The following CHRM3 variants were observed in gnomAD, a reference collection of about 807,000 sequenced individuals.
CHRM3 encodes the protein muscarinic acetylcholine receptor M3.
A neutral mutation model predicts 41.8 loss-of-function variants in CHRM3; 11 were observed. That is an observed-to-expected ratio of 0.26 (90% CI 0.17 to 0.44). The LOEUF (loss-of-function observed/expected upper bound fraction) is 0.44. CHRM3 is among the 20% of genes least tolerant of loss of function. The pLI, the probability that CHRM3 is intolerant of heterozygous loss-of-function variation, is 1.00. For missense variants in CHRM3, 571 were observed against 745.4 expected (o/e 0.77, Z 2.72); for synonymous variants, 297 against 301.4 (o/e 0.99, Z 0.15).
intron 1 of CHRM3, among the ~76,000 whole-genome samples, chr1:239,470,483 T>C (rs1194866819): frequency 1.3e-5 from 2 of 152,170 alleles, no homozygotes; most frequent in Non-Finnish European, 2.9e-5. Context: ...GTGTGGGCCT[T>C]GGATCTGGGT....
chr1:239,828,980 A>C (rs1290901714), intron 6 of CHRM3, among the ~76,000 whole-genome samples: 1 of 152,202 alleles, frequency 6.6e-6, no homozygotes, highest in South Asian at 2.1e-4. Context: ...GATGCACACT[A>C]TGAGGGCTAG....
chr1:239,847,393 A>G (rs1179528247), intron 6 of CHRM3, among the ~76,000 whole-genome samples: 3 of 152,240 alleles, frequency 2.0e-5, no homozygotes, highest in Non-Finnish European at 4.4e-5. Context: ...TAGATCTTCA[A>G]AATAATACAT....
At chr1:239,825,811 C>T (rs1672410917) in intron 5 of CHRM3, among the ~76,000 whole-genome samples, 1 of 152,082 alleles carries the variant, frequency 6.6e-6, no homozygotes, top group Non-Finnish European at 1.5e-5. Context: ...AACTCCTGGG[C>T]TCAAGTGATC....
intron 5 of CHRM3, among the ~76,000 whole-genome samples, chr1:239,696,485 T>A (rs1409136870): frequency 1.3e-5 from 2 of 152,238 alleles, no homozygotes; most frequent in African/African-American, 2.4e-5. Context: ...ATCCTTAAAC[T>A]GTGTGAGTTT....
chr1:239,583,984 G>T (rs983223505), intron 3 of CHRM3, among the ~76,000 whole-genome samples: 1 of 151,990 alleles, frequency 6.6e-6, no homozygotes, highest in Non-Finnish European at 1.5e-5. Flanking sequence ...TACCTGCTTT[G>T]CCCCTTGTCA....
intron 4 of CHRM3, among the ~76,000 whole-genome samples, chr1:239,640,895 G>C (rs879543111): frequency 6.7e-6 from 1 of 148,152 alleles, no homozygotes; most frequent in East Asian, 2.0e-4. Context: ...TTTCTCTTGT[G>C]GGCATTTAGT....
chr1:239,686,554 T>C (rs950686565), intron 5 of CHRM3, among the ~76,000 whole-genome samples: 1 of 152,144 alleles, frequency 6.6e-6, no homozygotes, highest in Non-Finnish European at 1.5e-5. Flanking sequence ...CCTTCCTTCA[T>C]ATTTACGCAG....
chr1:239,870,129 G>A (rs1558194935), intron 6 of CHRM3, among the ~76,000 whole-genome samples: 1 of 152,170 alleles, frequency 6.6e-6, no homozygotes. Flanking sequence ...GGTTCCTAGT[G>A]TGTAAATGGC....
chr1:239,667,844 A>G (rs769039931), intron 4 of CHRM3, among the ~76,000 whole-genome samples: 18 of 152,262 alleles, frequency 1.2e-4, no homozygotes, highest in Non-Finnish European at 2.4e-4. Flanking sequence ...TTGTCTTCCC[A>G]TACCTGATAG....
chr1:239,600,207 G>A (rs542780316), intron 3 of CHRM3, among the ~76,000 whole-genome samples: 1 of 151,884 alleles, frequency 6.6e-6, no homozygotes, highest in Non-Finnish European at 1.5e-5. Context: ...CACTCCCTTT[G>A]TTCAGACCCA....
In CHRM3 at chr1:239,440,838, A is replaced by G. The variant is rs2103250191; in HGVS notation, c.-520-51871A>G. 1.3e-5 allele frequency among the ~76,000 whole-genome samples: 2 copies of G among 152,332 alleles called. 1 individual carries two copies. Among genetic ancestry groups the G allele is most frequent in the South Asian group, 4.1e-4 (2 of 4,828 alleles). On this transcript the variant is annotated intron_variant, in intron 1 of 6. Transcript: ENST00000676153. ...ATTGAACCTTATTAAATACATTCTT[A>G]ATCTTTGTTTGGAAACCTGCAATAT... is the stretch of plus-strand genomic sequence containing the variant.
intron 3 of CHRM3, among the ~76,000 whole-genome samples, chr1:239,557,661 A>G (rs1046224676): frequency 2.6e-5 from 4 of 152,090 alleles, no homozygotes; most frequent in African/African-American, 9.7e-5. Context: ...AACAGGACCC[A>G]GTGTGTGTTG....
intron 1 of CHRM3, among the ~76,000 whole-genome samples, chr1:239,396,197 A>T (rs1433224197): frequency 6.6e-6 from 1 of 152,030 alleles, no homozygotes; most frequent in Non-Finnish European, 1.5e-5. Context: ...TCTTGGTTTT[A>T]GTGTGTGTGT....
At chr1:239,496,303 G>A (rs1030352715) in intron 2 of CHRM3, among the ~76,000 whole-genome samples, 30 of 151,882 alleles carry the variant, frequency 2.0e-4, no homozygotes, top group Admixed American at 7.9e-4. Context: ...TAAACCAATC[G>A]CCTCTGTAAA....
chr1:239,700,694 G>C (rs1222140611), intron 5 of CHRM3, among the ~76,000 whole-genome samples: 1 of 152,070 alleles, frequency 6.6e-6, no homozygotes, highest in Admixed American at 6.5e-5. Flanking sequence ...ACTCGTTTTT[G>C]GTCCTTGAGT....
In CHRM3 at chr1:239,608,009, C is replaced by T. The variant is rs181598792; in HGVS notation, c.-312-24215C>T. ...GAGTTTATGTATTTTAAAAGGAAGG[C>T]GTCTTTTCACTTGAAGCAATGCCCA... On this transcript the variant is annotated intron_variant, in intron 3 of 6. Coordinates refer to ENST00000676153, the MANE Select transcript of CHRM3 (RefSeq NM_001375978.1). Among the ~76,000 whole-genome samples, 97 of 152,192 alleles carry T rather than the reference C, an allele frequency of 6.4e-4. 1 individual carries two copies. The highest frequency in any genetic ancestry group is 2.3e-3 in the African/African-American group (94 of 41,542).
intron 5 of CHRM3, among the ~76,000 whole-genome samples, chr1:239,754,901 GA>G (rs112928542): frequency 5.9e-5 from 9 of 151,760 alleles, no homozygotes; most frequent in African/African-American, 1.4e-4. Flanking sequence ...CTTATTGTGG[GA>G]AAAAAAATGA....
intron 4 of CHRM3, among the ~76,000 whole-genome samples, chr1:239,634,373 A>AAAAGAAAGAAAGAAAGAAAGAAAG (rs1228999169): frequency 1.1e-5 from 1 of 87,034 alleles, no homozygotes; most frequent in African/African-American, 4.1e-5. Context: ...AAGCAAGAAC[A>AAAAGAAAGAAAGAAAGAAAGAAAG]AACGAAAGAA....
chr1:239,497,439 T>C, intron 2 of CHRM3, among the ~76,000 whole-genome samples: 1 of 152,146 alleles, frequency 6.6e-6, no homozygotes, highest in East Asian at 1.9e-4. Flanking sequence ...TGTGCTTCTT[T>C]CATGTTCTCA....
Sources: gnomAD v4.1 joint callset for allele counts (sites outside exome capture counted in the v4.1 genomes callset) on GRCh38, gnomAD v4.1.1 for gene constraint, MANE v1.5 for transcripts, NCBI Gene and HGNC (gene_info 2026-07-23, HGNC 2026-07-21) for gene names.